KLHL1: variants seen among roughly 807,000 people sequenced by gnomAD.
KLHL1 encodes the protein kelch like family member 1.
A neutral mutation model predicts 77.7 loss-of-function variants in KLHL1; 47 were observed. The observed-to-expected ratio is 0.60, with a 90% CI of 0.48 to 0.77. The LOEUF (loss-of-function observed/expected upper bound fraction) is 0.77. KLHL1 is among the 30% of genes least tolerant of loss of function. The probability of loss-of-function intolerance (pLI) is 0.00; values close to 1 mark genes in which losing one functional copy is unlikely to be tolerated. For synonymous variants in KLHL1, 360 were observed against 325.2 expected, an observed-to-expected ratio of 1.11 and a Z score of -1.15; for missense variants, 925 against 910.8, an observed-to-expected ratio of 1.02 and a Z score of -0.20.
At chr13:69,928,311 A>G (rs1335864611) in intron 4 of KLHL1, among the ~76,000 whole-genome samples, 1 of 152,160 alleles carries the variant, frequency 6.6e-6, no homozygotes, top group East Asian at 1.9e-4. Context: ...ACTTCAGCCC[A>G]CTCAAAAACT....
chr13:70,061,604 A>C (rs1886888843), intron 1 of KLHL1, among the ~76,000 whole-genome samples: 1 of 152,096 alleles, frequency 6.6e-6, no homozygotes, highest in Admixed American at 6.5e-5. Flanking sequence ...GCCACAATCC[A>C]ATTTGTAGCT....
intron 2 of KLHL1, among the ~76,000 whole-genome samples, chr13:69,973,927 A>G (rs1427218804): frequency 2.6e-5 from 4 of 151,960 alleles, no homozygotes; most frequent in African/African-American, 9.7e-5. Flanking sequence ...GAAACCACCA[A>G]CCAACCTCTA....
At chr13:69,805,776 G>C (rs1223063182) in intron 6 of KLHL1, among the ~76,000 whole-genome samples, 1 of 150,870 alleles carries the variant, frequency 6.6e-6, no homozygotes, top group Non-Finnish European at 1.5e-5. Context: ...AAACTACACT[G>C]ATTCTGAATG....
intron 5 of KLHL1, among the ~76,000 whole-genome samples, chr13:69,864,682 A>T (rs985461415): frequency 6.6e-6 from 1 of 152,206 alleles, no homozygotes; most frequent in Non-Finnish European, 1.5e-5. Context: ...CTATACATTG[A>T]TAAGCAATTG....
intron 1 of KLHL1, among the ~76,000 whole-genome samples, chr13:70,004,700 C>A (rs79803144): frequency 2.6e-5 from 4 of 151,668 alleles, no homozygotes; most frequent in African/African-American, 7.3e-5. Context: ...ATTAAAAATA[C>A]TTTTTTAAAA....
At chr13:69,965,530 A>G (rs1884187922) in intron 2 of KLHL1, among the ~76,000 whole-genome samples, 1 of 152,132 alleles carries the variant, frequency 6.6e-6, no homozygotes. Flanking sequence ...AACTAGGCCT[A>G]CTAATAACCC....
chr13:69,849,076 A>G lies in KLHL1; in HGVS notation c.1228-9914T>C, dbSNP rs116659119. Among the ~76,000 whole-genome samples the G allele has an allele frequency of 4.5e-3, 687 of 151,656 alleles. 11 individuals are homozygous for G. The highest frequency in any genetic ancestry group is 0.016 in the African/African-American group (658 of 41,482). ...ATTTAATTGCATCCGATTTGGGCTCAGCACTTTTCATTCCTTCATTCCTTC... is the reference window on the plus strand; with the variant it reads ...ATTTAATTGCATCCGATTTGGGCTCGGCACTTTTCATTCCTTCATTCCTTC... On this transcript the variant is annotated intron_variant, in intron 5 of 10. Coordinates refer to ENST00000377844, the MANE Select transcript of KLHL1 (RefSeq NM_020866.3).
chr13:69,783,384 A>G (rs1356337865), intron 7 of KLHL1, among the ~76,000 whole-genome samples: 1 of 152,186 alleles, frequency 6.6e-6, no homozygotes, highest in Non-Finnish European at 1.5e-5. Context: ...TCTGAGCTAC[A>G]GGAGGAAATT....
chr13:70,085,608 A>C (rs1224241727), intron 1 of KLHL1, among the ~76,000 whole-genome samples: 1 of 152,216 alleles, frequency 6.6e-6, no homozygotes, highest in Non-Finnish European at 1.5e-5. Context: ...TCGTGCTTGT[A>C]ATCTCAGCAC....
chr13:70,034,079 C>T (rs1886183106), intron 1 of KLHL1, among the ~76,000 whole-genome samples: 1 of 152,130 alleles, frequency 6.6e-6, no homozygotes, highest in Non-Finnish European at 1.5e-5. Context: ...TGTTTAAGTT[C>T]TAAGAATCAC....
intron 1 of KLHL1, among the ~76,000 whole-genome samples, chr13:70,101,489 C>T (rs370454240): frequency 2.0e-4 from 31 of 152,106 alleles, no homozygotes; most frequent in African/African-American, 7.2e-4. Context: ...AGTGCAGTGG[C>T]GCGATCTCGG....
At chr13:69,736,691 T>TATAA (rs111543508) in intron 8 of KLHL1, among the ~76,000 whole-genome samples, 1 of 129,704 alleles carries the variant, frequency 7.7e-6, no homozygotes, top group Non-Finnish European at 1.5e-5. Flanking sequence ...TATATATATG[T>TATAA]ATATATATAT....
intron 7 of KLHL1, among the ~76,000 whole-genome samples, chr13:69,773,307 A>G (rs1875665989): frequency 6.6e-6 from 1 of 152,034 alleles, no homozygotes. Flanking sequence ...ATTGGCTCTT[A>G]TTTGCATATG....
chr13:69,959,820 G>C (rs1240488982), intron 3 of KLHL1, among the ~76,000 whole-genome samples: 2 of 151,908 alleles, frequency 1.3e-5, no homozygotes, highest in Non-Finnish European at 2.9e-5. Context: ...AGATGAGAAA[G>C]TTTACTTTTT....
At chr13:69,816,807 A>T (rs2138071631) in intron 6 of KLHL1, among the ~76,000 whole-genome samples, 1 of 152,174 alleles carries the variant, frequency 6.6e-6, no homozygotes, top group East Asian at 1.9e-4. Context: ...AAAATTAAAA[A>T]ATTAGCCGAG....
chr13:70,071,899 A>G (rs941959044), intron 1 of KLHL1, among the ~76,000 whole-genome samples: 3 of 152,068 alleles, frequency 2.0e-5, no homozygotes, highest in Non-Finnish European at 4.4e-5. Context: ...CAGCCCCCCA[A>G]AACTGGAAAC....
intron 4 of KLHL1, among the ~76,000 whole-genome samples, chr13:69,933,764 T>A (rs1883081690): frequency 6.6e-6 from 1 of 151,420 alleles, no homozygotes; most frequent in Admixed American, 6.6e-5. Flanking sequence ...TTCTAAGTCA[T>A]ACTGGTAGCA....
chr13:70,100,103 T>C (rs1028704438), intron 1 of KLHL1, among the ~76,000 whole-genome samples: 1 of 152,100 alleles, frequency 6.6e-6, no homozygotes, highest in African/African-American at 2.4e-5. Context: ...TCTTCAGTGA[T>C]ATGTTCATTT....
At chr13:70,087,122 A>G (rs544458027) in intron 1 of KLHL1, among the ~76,000 whole-genome samples, 2 of 152,242 alleles carry the variant, frequency 1.3e-5, no homozygotes, top group Admixed American at 6.5e-5. Context: ...GGAAGGAGAA[A>G]CCTACAGAAA....
Sources: gnomAD v4.1 joint callset for allele counts (sites outside exome capture counted in the v4.1 genomes callset) on GRCh38, gnomAD v4.1.1 for gene constraint, MANE v1.5 for transcripts, NCBI Gene and HGNC (gene_info 2026-07-23, HGNC 2026-07-21) for gene names.